The following KIAA1671 variants were observed in gnomAD, a reference collection of about 807,000 sequenced individuals.
KIAA1671 encodes the protein KIAA1671, also known as uncharacterized protein KIAA1671.
Under a neutral mutation model 131.2 loss-of-function variants are expected in KIAA1671, and 52 were observed. The observed-to-expected ratio is 0.40, with a 90% CI of 0.32 to 0.50. The LOEUF (loss-of-function observed/expected upper bound fraction) is 0.50, where lower values mean the gene tolerates loss of function less well. Among genes scored for constraint, KIAA1671 ranks in the 20% least tolerant of loss-of-function variants. KIAA1671 has a pLI of 0.73. For missense variants in KIAA1671, 2,360 were observed against 2,364.2 expected, an observed-to-expected ratio of 1.00 and a Z score of 0.04; for synonymous variants, 1,003 against 961.6, an observed-to-expected ratio of 1.04 and a Z score of -0.80.
intron 6 of KIAA1671, among the ~76,000 whole-genome samples, chr22:25,093,838 G>GTCTCTC (rs56200570): frequency 1.2e-3 from 24 of 19,642 alleles, no homozygotes; most frequent in South Asian, 1.8e-3. Context: ...CTCTCTGTCT[G>GTCTCTC]TCTCTCTCTC....
chr22:25,145,744 G>A (rs1932867031), intron 6 of KIAA1671, among the ~76,000 whole-genome samples: 1 of 152,050 alleles, frequency 6.6e-6, no homozygotes, highest in Non-Finnish European at 1.5e-5. Context: ...TTTGAGACCA[G>A]CCTGGGCAAC....
intron 1 of KIAA1671, among the ~76,000 whole-genome samples, chr22:24,956,789 G>A (rs1417084884): frequency 4.6e-5 from 7 of 150,730 alleles, no homozygotes; most frequent in South Asian, 4.2e-4. Context: ...GGAGAATGGC[G>A]TGAACTGGCG....
At chr22:25,174,140 CAT>C (rs1933940782) in intron 7 of KIAA1671, 98 bp from the exon 8 acceptor site, 1 of 1,317,786 alleles carries the variant, frequency 7.6e-7, no homozygotes, top group African/African-American at 1.5e-5. Flanking sequence ...GCTTATAAAA[CAT>C]AACCCAAGCT....
intron 6 of KIAA1671, among the ~76,000 whole-genome samples, chr22:25,115,872 G>A (rs1931627497): frequency 2.0e-5 from 3 of 152,104 alleles, no homozygotes; most frequent in African/African-American, 7.2e-5. Context: ...CACCTCCCAG[G>A]TTCAAGTGAT....
At chr22:25,037,935 G>A (rs763048733) in intron 4 of KIAA1671, among the ~76,000 whole-genome samples, 1 of 152,016 alleles carries the variant, frequency 6.6e-6, no homozygotes, top group African/African-American at 2.4e-5. Context: ...CGCCCTCCAG[G>A]TTCAAGCAAT....
Position 25,028,247 on chromosome 22 carries a change from C to G in KIAA1671, c.248C>G (p.Ser83Cys), listed in dbSNP as rs1261662246. The change falls in exon 3 of 13, where the codon TCT (serine) becomes TGT (cysteine). Residue 83 changes from serine to cysteine, a missense_variant. Physicochemically the swap from Ser to Cys is moderately radical, Grantham distance 112. Around this residue, in one of 3 missense-constraint regions of KIAA1671, gnomAD observed 1,185 missense variants for 1,126.2 expected, o/e 1.05. Transcript: ENST00000358431. ...KEQDVKSPVP[S>C]LRPSSTGPSP... ...CAGGACGTGAAATCTCCTGTCCCGTCTCTGCGGCCCAGTTCGACTGGACCT... is the reference window on the plus strand; with the variant it reads ...CAGGACGTGAAATCTCCTGTCCCGTGTCTGCGGCCCAGTTCGACTGGACCT... 6.4e-7 allele frequency: 1 copy of G among 1,551,568 alleles called. No individual in the cohort carries two copies. Among genetic ancestry groups the G allele is most frequent in the Non-Finnish European group, 8.7e-7 (1 of 1,147,014 alleles).
At chr22:25,158,750 G>A (rs1933331436) in intron 6 of KIAA1671, among the ~76,000 whole-genome samples, 2 of 152,212 alleles carry the variant, frequency 1.3e-5, no homozygotes, top group African/African-American at 2.4e-5. Context: ...CATGCAGAAA[G>A]TGGGGATAGT....
intron 1 of KIAA1671, chr22:25,011,689 G>C (rs1208341953): frequency 1.4e-5 from 2 of 141,926 alleles, no homozygotes; most frequent in Admixed American, 7.6e-5. Flanking sequence ...CCAGGCTGGA[G>C]TGCAGTGGTG....
intron 6 of KIAA1671, among the ~76,000 whole-genome samples, chr22:25,085,142 G>A (rs1384429375): frequency 6.6e-6 from 1 of 152,232 alleles, no homozygotes; most frequent in Non-Finnish European, 1.5e-5. Flanking sequence ...CAGTAGATCA[G>A]ATGTGCCCAG....
chr22:25,028,873 G>T lies in KIAA1671; in HGVS notation c.874G>T (p.Glu292Ter). 6.4e-7 allele frequency: 1 copy of T among 1,551,274 alleles called. No homozygotes were observed. Reference sequence around the variant, plus strand: ...GTCCATGGACCTCACGGCCCGGTTTGAGAACAAAGAGGCCTTGCTGAGGAA... The same window carrying T: ...GTCCATGGACCTCACGGCCCGGTTTTAGAACAAAGAGGCCTTGCTGAGGAA... The part of the protein sequence containing the change: ...PLSMDLTARF[E>*]NKEALLRKVA... Residue 292 changes from glutamate (E) to a stop codon, truncating the protein, a stop_gained, in exon 3 of 13, where the codon GAG becomes TAG. Transcript: ENST00000358431. LOFTEE classifies it high-confidence loss of function.
intron 6 of KIAA1671, 113 bp from the exon 7 acceptor site, chr22:25,170,707 T>G: frequency 1.0e-6 from 1 of 996,424 alleles, no homozygotes; most frequent in Non-Finnish European, 1.5e-6. Context: ...AGGCAGCGGG[T>G]TGCTGGGATG....
chr22:24,992,170 G>A (rs1171337182), intron 1 of KIAA1671, among the ~76,000 whole-genome samples: 1 of 152,196 alleles, frequency 6.6e-6, no homozygotes. Flanking sequence ...GGGTAATTGG[G>A]ACGGAGGATG....
chr22:25,183,116 A>T (rs115092487), intron 10 of KIAA1671, among the ~76,000 whole-genome samples: 114 of 152,336 alleles, frequency 7.5e-4, no homozygotes, highest in African/African-American at 2.6e-3. Context: ...TTTATGCTCC[A>T]GCAACCTTGC....
intron 1 of KIAA1671, among the ~76,000 whole-genome samples, chr22:25,017,557 C>T (rs1205264641): frequency 2.6e-5 from 4 of 152,154 alleles, no homozygotes; most frequent in African/African-American, 4.8e-5. Flanking sequence ...ATCCCACCTC[C>T]TACGTCAGTT....
chr22:25,117,143 AG>A (rs1931707675), intron 6 of KIAA1671, among the ~76,000 whole-genome samples: 1 of 152,160 alleles, frequency 6.6e-6, no homozygotes, highest in Admixed American at 6.5e-5. Context: ...GCCCCCTCCC[AG>A]CCCCCATCCA....
chr22:25,063,619 C>T (rs1034107886), intron 6 of KIAA1671: 3 of 151,114 alleles, frequency 2.0e-5, no homozygotes, highest in African/African-American at 7.3e-5. Flanking sequence ...GCACACTGCT[C>T]GGGTGACGGG....
At chr22:24,964,603 T>C (rs147252808) in intron 1 of KIAA1671, among the ~76,000 whole-genome samples, 2 of 152,222 alleles carry the variant, frequency 1.3e-5, no homozygotes, top group African/African-American at 2.4e-5. Context: ...AAAATTTTTT[T>C]GTAGAGACAG....
chr22:25,170,448 C>A (rs1031245949), intron 6 of KIAA1671, among the ~76,000 whole-genome samples: 5 of 152,176 alleles, frequency 3.3e-5, no homozygotes, highest in Admixed American at 2.6e-4. Flanking sequence ...TTCCCCCAGC[C>A]AGATCCATGA....
intron 1 of KIAA1671, among the ~76,000 whole-genome samples, chr22:24,991,713 A>C (rs1923851851): frequency 6.8e-6 from 1 of 146,900 alleles, no homozygotes; most frequent in Non-Finnish European, 1.5e-5. Context: ...CGCCTGCCTC[A>C]GCCTCCCAAA....
Sources: gnomAD v4.1 joint callset for allele counts (sites outside exome capture counted in the v4.1 genomes callset) on GRCh38, gnomAD v4.1.1 for gene constraint, gnomAD v4.1.1 regional missense constraint, MANE v1.5 for transcripts, NCBI Gene and HGNC (gene_info 2026-07-23, HGNC 2026-07-21) for gene names.